Variants in AKAP12 observed in about 807,000 individuals in gnomAD.
AKAP12 encodes the protein A-kinase anchoring protein 12.
In AKAP12, 32 loss-of-function variants were observed where a neutral mutation model predicts 79.9. The ratio of observed to expected loss-of-function variants is 0.40; its 90% CI spans 0.30 to 0.54. The LOEUF is 0.54. AKAP12 is among the 20% of genes least tolerant of loss of function. AKAP12 has a pLI of 0.48. For missense variants in AKAP12, 2,074 were observed against 2,177.0 expected, an observed-to-expected ratio of 0.95 and a Z score of 0.94; for synonymous variants, 808 against 857.0, an observed-to-expected ratio of 0.94 and a Z score of 1.00.
intron 2 of AKAP12, among the ~76,000 whole-genome samples, chr6:151,278,124 A>C (rs1776321048): frequency 6.6e-6 from 1 of 152,242 alleles, no homozygotes; most frequent in Admixed American, 6.5e-5. Flanking sequence ...ATTTTGTATT[A>C]ACTTTCTTTG....
At chr6:151,259,511 TACACACACACACACAC>T (rs373506742) in intron 2 of AKAP12, among the ~76,000 whole-genome samples, 1 of 101,104 alleles carries the variant, frequency 9.9e-6, no homozygotes, top group Non-Finnish European at 1.9e-5. Context: ...TATATATATA[TACACACACACACACAC>T]ACACACACAC....
intron 3 of AKAP12, chr6:151,323,634 C>T (rs938933317): frequency 1.1e-6 from 1 of 872,718 alleles, no homozygotes; most frequent in Non-Finnish European, 1.4e-6. Context: ...CAAAACTGAA[C>T]AGCAGTACAG....
intron 2 of AKAP12, 43 bp downstream of exon 2, chr6:151,240,767 TTGGGGG>T (rs1392000457): frequency 4.4e-5 from 30 of 681,972 alleles, no homozygotes; most frequent in African/African-American, 9.3e-5. Context: ...GCGCGGGTCT[TTGGGGG>T]TGGGGGTGGG....
At chr6:151,240,988 A>G (rs1582825596) in intron 2 of AKAP12, among the ~76,000 whole-genome samples, 1 of 151,888 alleles carries the variant, frequency 6.6e-6, no homozygotes, top group Non-Finnish European at 1.5e-5. Flanking sequence ...GCGCAATAAT[A>G]AAACCCGCGC....
chr6:151,310,670 A>G (rs1207441337), intron 3 of AKAP12, among the ~76,000 whole-genome samples: 1 of 152,178 alleles, frequency 6.6e-6, no homozygotes, highest in Non-Finnish European at 1.5e-5. Context: ...ACAGTTGAGG[A>G]AAATCAGTTA....
intron 3 of AKAP12, among the ~76,000 whole-genome samples, chr6:151,316,408 CT>C (rs1290604158): frequency 6.6e-6 from 1 of 152,114 alleles, no homozygotes; most frequent in Non-Finnish European, 1.5e-5. Flanking sequence ...TATTAATTTG[CT>C]AAGGTTGTCA....
intron 3 of AKAP12, among the ~76,000 whole-genome samples, chr6:151,318,419 C>G (rs1254340203): frequency 2.0e-5 from 3 of 152,188 alleles, no homozygotes; most frequent in Non-Finnish European, 4.4e-5. Flanking sequence ...CTAATCAAGT[C>G]CATTTCTGTT....
chr6:151,242,046 G>T (rs1454355890), intron 2 of AKAP12, among the ~76,000 whole-genome samples: 2 of 152,114 alleles, frequency 1.3e-5, no homozygotes, highest in African/African-American at 2.4e-5. Context: ...TAAGCTTCTG[G>T]CCTGAGGAAT....
intron 3 of AKAP12, among the ~76,000 whole-genome samples, chr6:151,345,662 T>A (rs1416276097): frequency 6.6e-6 from 1 of 150,812 alleles, no homozygotes; most frequent in East Asian, 2.0e-4. Context: ...CCAGGTGTGG[T>A]GACACATGCC....
Position 151,305,806 on chromosome 6 carries a change from C to G in AKAP12, c.222C>G (p.Leu74=). The change falls in exon 3 of 5, where the codon CTC becomes CTG. Residue 74 remains leucine (L), a synonymous_variant. Transcript: ENST00000402676. ...TINGVAEQDE[L]SLQEGDLNGQ... is the part of the protein sequence containing the mutation. The stretch of plus-strand genomic sequence containing the variant: ...ATGGCGTAGCTGAGCAAGATGAGCT[C>G]AGCCTCCAGGAGGGTGACCTAAATG... 1 of 1,614,090 alleles carries G rather than the reference C, an allele frequency of 6.2e-7. No homozygotes were observed. The highest frequency in any genetic ancestry group is 1.1e-5 in the South Asian group (1 of 91,052).
chr6:151,315,107 C>T (rs1777207534), intron 3 of AKAP12, among the ~76,000 whole-genome samples: 1 of 151,816 alleles, frequency 6.6e-6, no homozygotes, highest in Non-Finnish European at 1.5e-5. Flanking sequence ...TGAGGTGGTC[C>T]ACAAGGAGTG....
chr6:151,277,442 C>T (rs181968445), intron 2 of AKAP12, among the ~76,000 whole-genome samples: 7 of 152,206 alleles, frequency 4.6e-5, no homozygotes, highest in South Asian at 4.1e-4. Context: ...GATGGTAAGG[C>T]GTATTGTTTC....
intron 3 of AKAP12, among the ~76,000 whole-genome samples, chr6:151,331,848 G>A (rs867445913): frequency 1.3e-4 from 18 of 141,838 alleles, no homozygotes; most frequent in African/African-American, 4.3e-4. Flanking sequence ...TTGCACCAAC[G>A]CACTCCAGCC....
At chr6:151,331,297 G>A (rs1259883907) in intron 3 of AKAP12, among the ~76,000 whole-genome samples, 1 of 151,858 alleles carries the variant, frequency 6.6e-6, no homozygotes, top group Non-Finnish European at 1.5e-5. Context: ...ATATTAAAAA[G>A]CACCTAGTTT....
chr6:151,351,152 C>T lies in AKAP12; in HGVS notation c.2761C>T (p.Pro921Ser), dbSNP rs764136661. ...TTGGATATCTGCTTCAGTGACAGAA[C>T]CTCTTGAACAAGTAGAAGCTGAAGC... The part of the protein sequence containing the change: ...PSWISASVTE[P>S]LEQVEAEAAL... Residue 921 changes from proline to serine, a missense_variant, in exon 4 of 5, where the codon CCT becomes TCT. Physicochemically the swap from Pro to Ser is moderately conservative, Grantham distance 74 (BLOSUM62 -1). Transcript: ENST00000402676. This position sits in a 1 kb window ranked among gnomAD's most constrained non-coding sequence, Gnocchi z 4.4. 6.2e-7 allele frequency: 1 copy of T among 1,614,214 alleles called. No homozygotes were observed. Among genetic ancestry groups the T allele is most frequent in the Non-Finnish European group, 8.5e-7 (1 of 1,180,048 alleles).
intron 4 of AKAP12, among the ~76,000 whole-genome samples, chr6:151,354,908 T>C (rs947410289): frequency 1.3e-5 from 2 of 151,862 alleles, no homozygotes; most frequent in Non-Finnish European, 2.9e-5. Context: ...CTCAAACTCC[T>C]GGCCTCAAGA....
intron 3 of AKAP12, among the ~76,000 whole-genome samples, chr6:151,345,932 T>A (rs12153913): frequency 0.16 from 15,929 of 100,450 alleles, 1,044 homozygotes; most frequent in Admixed American, 0.18. Context: ...TGTGTGTGTG[T>A]GAGAGAGAGA....
chr6:151,296,451 T>C (rs1776726584), intron 2 of AKAP12, among the ~76,000 whole-genome samples: 1 of 152,238 alleles, frequency 6.6e-6, no homozygotes, highest in Admixed American at 6.5e-5. Context: ...CTGATTGCCT[T>C]AGCAGTGCTT....
rs778554464 is a variant in AKAP12 at position 151,349,408 on chromosome 6, A to C, written c.1017A>C (p.Glu339Asp). ...EQEPEKVDTEEDGKAEVASEK... is the reference protein window; with the variant it reads ...EQEPEKVDTEDDGKAEVASEK... ...AGCCAGAAAAAGTAGACACAGAAGA[A>C]GACGGAAAGGCAGAGGTTGCCTCCG... The change falls in exon 4 of 5, where the codon GAA (glutamate) becomes GAC (aspartate). Residue 339 changes from glutamate to aspartate, a missense_variant. This residue lies in a region of AKAP12 where 1,428 missense variants were observed against 1,451.0 expected (regional missense o/e 0.98). Coordinates refer to ENST00000402676, the MANE Select transcript of AKAP12 (RefSeq NM_005100.4). 6.2e-6 allele frequency: 10 copies of C among 1,613,248 alleles called. No homozygotes were observed. The highest frequency in any genetic ancestry group is 1.3e-5 in the African/African-American group (1 of 74,802).
Sources: allele counts gnomAD v4.1 joint callset (sites outside exome capture counted in the v4.1 genomes callset), GRCh38; gene constraint gnomAD v4.1.1; regional missense constraint gnomAD v4.1.1; non-coding constraint Gnocchi (gnomAD v3.1); transcripts MANE v1.5; gene names NCBI Gene and HGNC (gene_info 2026-07-23, HGNC 2026-07-21).